Variants in MEGF11 observed in about 807,000 individuals in gnomAD.
MEGF11 encodes multiple epidermal growth factor-like domains protein 11.
A neutral mutation model predicts 146.6 loss-of-function variants in MEGF11; 126 were observed. That is an observed-to-expected ratio of 0.86 (90% CI 0.74 to 1.00). MEGF11 has a LOEUF of 1.00. Among genes scored for constraint, MEGF11 ranks in the 50% least tolerant of loss-of-function variants. The pLI is 0.00. For missense variants in MEGF11, 1,509 were observed against 1,521.2 expected, an observed-to-expected ratio of 0.99 and a Z score of 0.13; for synonymous variants, 532 against 583.4, an observed-to-expected ratio of 0.91 and a Z score of 1.27.
chr15:65,987,949 T>C (rs541735838), intron 5 of MEGF11, among the ~76,000 whole-genome samples: 1 of 151,480 alleles, frequency 6.6e-6, no homozygotes, highest in South Asian at 2.1e-4. Flanking sequence ...GACCTCGTGA[T>C]CTGCCCACCT....
chr15:65,920,510 GTCTTA>G (rs1401701653), intron 15 of MEGF11, among the ~76,000 whole-genome samples: 1 of 152,292 alleles, frequency 6.6e-6, no homozygotes, highest in Non-Finnish European at 1.5e-5. Flanking sequence ...TCTAACAAGA[GTCTTA>G]TCTTTGAAGT....
intron 1 of MEGF11, among the ~76,000 whole-genome samples, chr15:66,146,908 CTTTGTTTTA>C (rs918095899): frequency 6.6e-6 from 1 of 152,192 alleles, no homozygotes; most frequent in Non-Finnish European, 1.5e-5. Context: ...TCTCCTCTGC[CTTTGTTTTA>C]TCTTACTGCT....
At chr15:66,023,835 C>T (rs73481664) in intron 5 of MEGF11, among the ~76,000 whole-genome samples, 26 of 152,182 alleles carry the variant, frequency 1.7e-4, no homozygotes, top group Non-Finnish European at 3.7e-4. Flanking sequence ...CCAGCTGGGG[C>T]ACAGCCCTGC....
chr15:66,020,275 G>A lies in MEGF11; in HGVS notation c.395-37787C>T, dbSNP rs371317054. ...TAAGTAGGTGTTCTCTTCCATTTGGGCTGTTAGGCTGGGAGACTGTGGTCC... is the reference window on the plus strand; with the variant it reads ...TAAGTAGGTGTTCTCTTCCATTTGGACTGTTAGGCTGGGAGACTGTGGTCC... On this transcript the variant is annotated intron_variant, in intron 5 of 25. Transcript: ENST00000395614. Among the ~76,000 whole-genome samples the A allele has an allele frequency of 2.6e-5, 4 of 152,320 alleles. No individual in the cohort carries two copies. The East Asian group carries it at 7.7e-4, about 29-fold the overall frequency.
intron 10 of MEGF11, among the ~76,000 whole-genome samples, chr15:65,932,632 G>A (rs1182192944): frequency 6.6e-6 from 1 of 152,066 alleles, no homozygotes; most frequent in East Asian, 1.9e-4. Context: ...AGGGAGGAGT[G>A]AAGGAGATAG....
In MEGF11 at chr15:65,965,140, G is replaced by T. The variant is rs1398464610; in HGVS notation, c.900-20C>A. 2 of 1,550,802 alleles carry T rather than the reference G, an allele frequency of 1.3e-6. No homozygotes were observed. The highest frequency in any genetic ancestry group is 1.8e-6 in the Non-Finnish European group (2 of 1,140,136). On this transcript the variant is annotated intron_variant, in intron 8 of 25. Coordinates refer to ENST00000395614, the MANE Select transcript of MEGF11 (RefSeq NM_001385028.1). Reference sequence around the variant, plus strand: ...TGGCACCTGTGGGAGAGCAGAGTGGGGCTGAGGCTGTGGGCCAGGATCCCT... The same window carrying T: ...TGGCACCTGTGGGAGAGCAGAGTGGTGCTGAGGCTGTGGGCCAGGATCCCT...
In MEGF11 at chr15:65,982,158, A is replaced by AGGT; in HGVS notation, c.641+83_641+84insACC. 1.4e-6 allele frequency: 1 copy of AGGT among 728,984 alleles called. No homozygotes were observed. Among genetic ancestry groups the AGGT allele is most frequent in the Non-Finnish European group, 1.7e-6 (1 of 600,076 alleles). 45.2% of individuals were successfully genotyped at this position (728,984 alleles called of 1,614,324 possible). A position where few individuals can be genotyped will look rare whatever the true frequency, so the allele number is the denominator to read the frequency against. Reference sequence around the variant, plus strand: ...CTCCAGGCCCCGCCCCAGCCCCTCCACCTCCTCTACCCTCCCCACCCAGGC... The same window carrying AGGT: ...CTCCAGGCCCCGCCCCAGCCCCTCCAGGTCCTCCTCTACCCTCCCCACCCAGGC... On this transcript the variant is annotated intron_variant, in intron 6 of 25. Coordinates refer to ENST00000395614, the MANE Select transcript of MEGF11 (RefSeq NM_001385028.1). This position sits in a 1 kb window ranked among gnomAD's most constrained non-coding sequence, Gnocchi z 5.6.
intron 5 of MEGF11, among the ~76,000 whole-genome samples, chr15:65,987,774 G>A (rs756663355): frequency 5.2e-4 from 79 of 151,552 alleles, no homozygotes; most frequent in East Asian, 3.9e-4. Context: ...GCAGTGGTGC[G>A]ATCTTGGCTC....
intron 10 of MEGF11, among the ~76,000 whole-genome samples, chr15:65,952,891 A>G (rs1045801153): frequency 6.6e-6 from 1 of 152,220 alleles, no homozygotes; most frequent in Non-Finnish European, 1.5e-5. Flanking sequence ...ACTGCTGCCA[A>G]ACAAACATGT....
chr15:65,909,922 CCT>C, intron 21 of MEGF11, 116 bp from the exon 22 acceptor site: 5 of 915,098 alleles, frequency 5.5e-6, no homozygotes, highest in Non-Finnish European at 8.6e-6. Context: ...CCACCTGGGT[CCT>C]AGGCCGTTGA....
intron 1 of MEGF11, among the ~76,000 whole-genome samples, chr15:66,232,913 A>G (rs1358434293): frequency 6.6e-6 from 1 of 152,214 alleles, no homozygotes; most frequent in African/African-American, 2.4e-5. Context: ...AGTTTCACCA[A>G]TGTCACACTA....
intron 5 of MEGF11, among the ~76,000 whole-genome samples, chr15:66,023,518 A>T (rs1294405813): frequency 6.6e-6 from 1 of 152,240 alleles, no homozygotes; most frequent in African/African-American, 2.4e-5. Flanking sequence ...AACACAAGGC[A>T]TCTGTGTGGC....
At chr15:66,060,681 G>C (rs114891032) in intron 5 of MEGF11, among the ~76,000 whole-genome samples, 1 of 152,232 alleles carries the variant, frequency 6.6e-6, no homozygotes, top group Non-Finnish European at 1.5e-5. Context: ...TTAACCTGGT[G>C]TGTCTGTCCC....
chr15:65,956,856 TAAG>T (rs1272921114), intron 10 of MEGF11, among the ~76,000 whole-genome samples: 3 of 152,202 alleles, frequency 2.0e-5, no homozygotes, highest in African/African-American at 7.2e-5. Context: ...TAGCAAAAAT[TAAG>T]AAAACCTTAG....
intron 1 of MEGF11, among the ~76,000 whole-genome samples, chr15:66,180,162 C>T (rs997115515): frequency 6.6e-6 from 1 of 152,208 alleles, no homozygotes; most frequent in African/African-American, 2.4e-5. Flanking sequence ...CTCTGAGCCC[C>T]AGAGGAACAA....
At chr15:66,140,460 C>T (rs72744450) in intron 1 of MEGF11, among the ~76,000 whole-genome samples, 4,805 of 152,334 alleles carry the variant, frequency 0.032, 101 homozygotes, top group Non-Finnish European at 0.047. Flanking sequence ...TCTGTTCCCT[C>T]CTCAGGCAGG....
At chr15:66,228,890 C>T (rs561424295) in intron 1 of MEGF11, among the ~76,000 whole-genome samples, 1 of 152,168 alleles carries the variant, frequency 6.6e-6, no homozygotes, top group African/African-American at 2.4e-5. Context: ...TGTGATTTGG[C>T]TGCCTCCATC....
At chr15:66,225,838 A>T (rs1003181740) in intron 1 of MEGF11, among the ~76,000 whole-genome samples, 1 of 152,166 alleles carries the variant, frequency 6.6e-6, no homozygotes, top group African/African-American at 2.4e-5. Flanking sequence ...ACAGCACGTA[A>T]CAGCTTACAT....
chr15:66,212,589 A>G (rs1397728134), intron 1 of MEGF11, among the ~76,000 whole-genome samples: 1 of 152,188 alleles, frequency 6.6e-6, no homozygotes, highest in Non-Finnish European at 1.5e-5. Flanking sequence ...AGGTAATTAC[A>G]TTTATTTTTC....
Sources: allele counts gnomAD v4.1 joint callset (sites outside exome capture counted in the v4.1 genomes callset), GRCh38; gene constraint gnomAD v4.1.1; non-coding constraint Gnocchi (gnomAD v3.1); transcripts MANE v1.5; gene names NCBI Gene and HGNC (gene_info 2026-07-23, HGNC 2026-07-21).